Variants in FAF1 observed in about 807,000 individuals in gnomAD.
The protein encoded by FAF1 is FAS-associated factor 1.
A neutral mutation model predicts 92.5 loss-of-function variants in FAF1; 25 were observed. The observed-to-expected ratio is 0.27, with a 90% confidence interval of 0.20 to 0.38. FAF1 has a LOEUF of 0.38. Among genes scored for constraint, FAF1 ranks in the 10% least tolerant of loss-of-function variants. The probability of loss-of-function intolerance (pLI) is 1.00; values close to 1 mark genes in which losing one functional copy is unlikely to be tolerated. For missense variants in FAF1, 636 were observed against 793.3 expected, an observed-to-expected ratio of 0.80 and a Z score of 2.38; for synonymous variants, 234 against 273.2, an observed-to-expected ratio of 0.86 and a Z score of 1.42.
At chr1:50,557,190 C>CT (rs1395437308) in intron 13 of FAF1, among the ~76,000 whole-genome samples, 6 of 152,174 alleles carry the variant, frequency 3.9e-5, no homozygotes, top group Admixed American at 2.0e-4. Flanking sequence ...CTGAAAAGGA[C>CT]TTTCTTGGTG....
intron 18 of FAF1, among the ~76,000 whole-genome samples, chr1:50,455,343 G>A (rs1012264374): frequency 1.3e-5 from 2 of 152,246 alleles, no homozygotes; most frequent in Admixed American, 1.3e-4. Context: ...AACCTTAGGT[G>A]ACTTAGCTGC....
chr1:50,625,759 G>C (rs192835926), intron 8 of FAF1, among the ~76,000 whole-genome samples: 9 of 152,292 alleles, frequency 5.9e-5, no homozygotes, highest in Admixed American at 6.5e-5. Context: ...ATCAGATTAT[G>C]AACAGTCAAA....
chr1:50,673,640 C>T lies in FAF1; in HGVS notation c.658-18112G>A, dbSNP rs547580361. Among the ~76,000 whole-genome samples the T allele has an allele frequency of 2.4e-4, 36 of 152,188 alleles. No individual in the cohort carries two copies. The South Asian group carries it at 7.5e-3, about 32-fold the overall frequency. The stretch of plus-strand genomic sequence containing the variant: ...GTGATGGGTGATAAGAGACTCTTGA[C>T]AGTCATTCTTTATTTTAGATGGGTT... On this transcript the variant is annotated intron_variant, in intron 7 of 18. Coordinates refer to ENST00000396153, the MANE Select transcript of FAF1 (RefSeq NM_007051.3).
chr1:50,842,457 GAAA>G (rs750965844), intron 2 of FAF1, among the ~76,000 whole-genome samples: 5 of 152,000 alleles, frequency 3.3e-5, no homozygotes, highest in Non-Finnish European at 5.9e-5. Context: ...ATGCATTACT[GAAA>G]AAATCATTTT....
intron 2 of FAF1, among the ~76,000 whole-genome samples, chr1:50,835,794 G>A (rs1432273334): frequency 6.6e-6 from 1 of 152,062 alleles, no homozygotes; most frequent in Non-Finnish European, 1.5e-5. Context: ...AGCCAATTAG[G>A]TAAGAGTATA....
intron 18 of FAF1, among the ~76,000 whole-genome samples, chr1:50,444,904 G>A (rs1393892813): frequency 6.6e-6 from 1 of 151,322 alleles, no homozygotes; most frequent in Non-Finnish European, 1.5e-5. Context: ...GGCTGCCTTG[G>A]GGAAATGGAG....
At chr1:50,588,697 G>A (rs927651942) in intron 9 of FAF1, among the ~76,000 whole-genome samples, 23 of 152,158 alleles carry the variant, frequency 1.5e-4, no homozygotes, top group Non-Finnish European at 1.8e-4. Context: ...GATCCTTGAC[G>A]GCAAAAGTTG....
chr1:50,830,849 A>G (rs1644146394), intron 2 of FAF1, among the ~76,000 whole-genome samples: 1 of 152,214 alleles, frequency 6.6e-6, no homozygotes, highest in South Asian at 2.1e-4. Context: ...AAGAAATTCT[A>G]GAAGTAATAT....
At chr1:50,824,578 A>G (rs1388746901) in intron 2 of FAF1, among the ~76,000 whole-genome samples, 1 of 152,162 alleles carries the variant, frequency 6.6e-6, no homozygotes, top group Admixed American at 6.5e-5. Context: ...AAAACTAAAG[A>G]CAGATTTACT....
At chr1:50,453,803 C>T (rs571205776) in intron 18 of FAF1, among the ~76,000 whole-genome samples, 10 of 152,148 alleles carry the variant, frequency 6.6e-5, no homozygotes, top group Non-Finnish European at 1.3e-4. Context: ...TTTTACCTGG[C>T]CAGCCTTTTC....
intron 8 of FAF1, among the ~76,000 whole-genome samples, chr1:50,637,679 A>ATATGTG (rs1654107932): frequency 9.8e-6 from 1 of 101,756 alleles, no homozygotes. Flanking sequence ...ACACATATAT[A>ATATGTG]TATGTGTGTG....
intron 13 of FAF1, among the ~76,000 whole-genome samples, chr1:50,542,922 G>A (rs556841873): frequency 6.6e-6 from 1 of 152,280 alleles, no homozygotes; most frequent in African/African-American, 2.4e-5. Context: ...GAGGCAATGA[G>A]TGAAATGAAA....
chr1:50,754,086 C>T (rs996799169), intron 4 of FAF1, among the ~76,000 whole-genome samples: 1 of 152,090 alleles, frequency 6.6e-6, no homozygotes, highest in African/African-American at 2.4e-5. Flanking sequence ...TAGGTTAGAC[C>T]TGGGTTGGTT....
intron 9 of FAF1, among the ~76,000 whole-genome samples, chr1:50,590,767 A>G (rs1651464971): frequency 6.6e-6 from 1 of 152,054 alleles, no homozygotes; most frequent in South Asian, 2.1e-4. Context: ...AGATCACCTG[A>G]GGTCAGGAGT....
intron 1 of FAF1, among the ~76,000 whole-genome samples, chr1:50,882,793 G>A (rs997305569): frequency 4.0e-5 from 6 of 151,272 alleles, no homozygotes; most frequent in South Asian, 2.1e-4. Flanking sequence ...CAAGACCAGC[G>A]TGGCCAACAT....
chr1:50,554,512 T>C (rs1649476245), intron 13 of FAF1, among the ~76,000 whole-genome samples: 1 of 151,906 alleles, frequency 6.6e-6, no homozygotes, highest in South Asian at 2.1e-4. Flanking sequence ...GTTTGGCTTC[T>C]TAAAAAGCCG....
At chr1:50,885,000 G>T (rs1284545811) in intron 1 of FAF1, among the ~76,000 whole-genome samples, 1 of 152,046 alleles carries the variant, frequency 6.6e-6, no homozygotes, top group Non-Finnish European at 1.5e-5. Flanking sequence ...GTTGAATCTT[G>T]GAAGGTTTTA....
In FAF1 at chr1:50,744,774, T is replaced by C; in HGVS notation, c.369A>G (p.Gly123=). The change falls in exon 5 of 19, where the codon GGA becomes GGG. Residue 123 remains glycine, a splice_region_variant and synonymous_variant. Transcript: ENST00000396153. ...DVVLEDTCTV[G]EIKQILENEL... Reference sequence around the variant, plus strand: ...CATTTTCTAGAATCTGTTTAATCTCTCCTGTATAAATAAGAAGAGATCAAA... The same window carrying C: ...CATTTTCTAGAATCTGTTTAATCTCCCCTGTATAAATAAGAAGAGATCAAA... 6.4e-7 allele frequency: 1 copy of C among 1,566,548 alleles called. No individual in the cohort carries two copies. The highest frequency in any genetic ancestry group is 2.2e-5 in the East Asian group (1 of 44,540).
At chr1:50,872,199 C>T (rs1485752932) in intron 1 of FAF1, among the ~76,000 whole-genome samples, 2 of 152,054 alleles carry the variant, frequency 1.3e-5, no homozygotes, top group African/African-American at 4.8e-5. Flanking sequence ...TTCTAGATGC[C>T]ATTCATAATT....
Sources: allele counts gnomAD v4.1 joint callset (sites outside exome capture counted in the v4.1 genomes callset), GRCh38; gene constraint gnomAD v4.1.1; transcripts MANE v1.5; gene names NCBI Gene and HGNC (gene_info 2026-07-23, HGNC 2026-07-21).